Variants in CNTNAP5 observed in about 807,000 individuals in gnomAD.
CNTNAP5 encodes the protein contactin-associated protein-like 5.
In CNTNAP5, 72 loss-of-function variants were observed where a neutral mutation model predicts 150.2. The ratio of observed to expected loss-of-function variants is 0.48; its 90% CI spans 0.40 to 0.58. The LOEUF is 0.58. CNTNAP5 is among the 20% of genes least tolerant of loss of function. CNTNAP5 has a pLI of 0.00. For missense variants in CNTNAP5, 1,636 were observed against 1,626.2 expected (o/e 1.01, Z -0.10); for synonymous variants, 672 against 619.8 (o/e 1.08, Z -1.25).
At chr2:124,271,177 T>A (rs903470037) in intron 3 of CNTNAP5, among the ~76,000 whole-genome samples, 1 of 152,026 alleles carries the variant, frequency 6.6e-6, no homozygotes, top group African/African-American at 2.4e-5. Context: ...GAAAATGGTT[T>A]GAATAAGTCA....
chr2:124,463,339 GA>G lies in CNTNAP5; in HGVS notation c.919-11394del, dbSNP rs375534891. Among the ~76,000 whole-genome samples the G allele has an allele frequency of 1.4e-4, 21 of 152,276 alleles. No individual in the cohort carries two copies. The East Asian group carries it at 3.9e-3, about 28-fold the overall frequency. ...CAGCAGCTGACGTCTGTCAGTCTGT[GA>G]AAAAATACCTATTTAGAGAAAGGAA... On this transcript the variant is annotated intron_variant, in intron 6 of 23. Transcript: ENST00000682447.
intron 1 of CNTNAP5, among the ~76,000 whole-genome samples, chr2:124,064,266 T>C (rs1682096114): frequency 6.6e-6 from 1 of 152,166 alleles, no homozygotes. Context: ...TGTTACATGC[T>C]TTAAAGGCTT....
intron 8 of CNTNAP5, among the ~76,000 whole-genome samples, chr2:124,510,301 C>CTATATAGATATATCTATATATCTA (rs1694537389): frequency 1.9e-5 from 2 of 106,056 alleles, no homozygotes; most frequent in African/African-American, 3.8e-5. Flanking sequence ...ATCTATATAT[C>CTATATAGATATATCTATATATCTA]TATATATATA....
chr2:124,383,157 T>G (rs972421658), intron 3 of CNTNAP5, among the ~76,000 whole-genome samples: 10 of 152,142 alleles, frequency 6.6e-5, no homozygotes, highest in South Asian at 2.1e-4. Flanking sequence ...TGCAAGAAGT[T>G]TAACACATTT....
chr2:124,395,959 T>C (rs1439198462), intron 3 of CNTNAP5, among the ~76,000 whole-genome samples: 2 of 152,124 alleles, frequency 1.3e-5, no homozygotes, highest in African/African-American at 2.4e-5. Flanking sequence ...CCAGAGTCCA[T>C]CATCAACACC....
chr2:124,142,502 A>G (rs1197230008), intron 1 of CNTNAP5, among the ~76,000 whole-genome samples: 4 of 146,838 alleles, frequency 2.7e-5, no homozygotes, highest in Non-Finnish European at 3.0e-5. Context: ...AAGCCGCTCA[A>G]CTACATGGAA....
chr2:124,420,661 A>C (rs1172674275), intron 4 of CNTNAP5, among the ~76,000 whole-genome samples: 1 of 152,204 alleles, frequency 6.6e-6, no homozygotes, highest in Non-Finnish European at 1.5e-5. Flanking sequence ...TAATTCAGTC[A>C]GTTGAAATGC....
intron 11 of CNTNAP5, among the ~76,000 whole-genome samples, chr2:124,585,112 G>A (rs1024780402): frequency 1.1e-4 from 16 of 152,184 alleles, no homozygotes; most frequent in African/African-American, 3.9e-4. Context: ...CAGTGGCTTA[G>A]CAAAGGAAAA....
At chr2:124,787,401 A>C (rs182201331) in intron 17 of CNTNAP5, among the ~76,000 whole-genome samples, 1 of 152,238 alleles carries the variant, frequency 6.6e-6, no homozygotes, top group African/African-American at 2.4e-5. Context: ...TGAGACAGAC[A>C]GGAGAATGTA....
At chr2:124,509,261 T>C (rs929284877) in intron 8 of CNTNAP5, among the ~76,000 whole-genome samples, 4 of 152,230 alleles carry the variant, frequency 2.6e-5, no homozygotes, top group Admixed American at 2.6e-4. Flanking sequence ...AAATGCATCC[T>C]CAAAATAGAA....
chr2:124,166,572 T>A (rs1684813956), intron 1 of CNTNAP5, among the ~76,000 whole-genome samples: 1 of 152,168 alleles, frequency 6.6e-6, no homozygotes, highest in African/African-American at 2.4e-5. Flanking sequence ...CTTGTTCTCT[T>A]ATTGACTTCC....
At chr2:124,749,456 G>A (rs1158892279) in intron 14 of CNTNAP5, among the ~76,000 whole-genome samples, 1 of 149,176 alleles carries the variant, frequency 6.7e-6, no homozygotes, top group East Asian at 2.0e-4. Flanking sequence ...ACGGAGTCTT[G>A]CTCTGTCGCC....
At chr2:124,278,908 T>A (rs1478521197) in intron 3 of CNTNAP5, among the ~76,000 whole-genome samples, 1 of 152,166 alleles carries the variant, frequency 6.6e-6, no homozygotes, top group East Asian at 1.9e-4. Flanking sequence ...TTAGTATTGA[T>A]CTTGTTTATA....
intron 14 of CNTNAP5, among the ~76,000 whole-genome samples, chr2:124,756,882 A>G (rs1680850624): frequency 6.6e-6 from 1 of 152,150 alleles, no homozygotes; most frequent in Non-Finnish European, 1.5e-5. Context: ...ATGTTTACCT[A>G]TGTAATAAAC....
intron 13 of CNTNAP5, among the ~76,000 whole-genome samples, chr2:124,658,219 C>T (rs902097367): frequency 1.3e-5 from 2 of 152,158 alleles, no homozygotes; most frequent in African/African-American, 4.8e-5. Flanking sequence ...AGAGCAACTT[C>T]ACAGAGCAAG....
In CNTNAP5 at chr2:124,399,511, C is replaced by T. The variant is rs138971851; in HGVS notation, c.382-17932C>T. Among the ~76,000 whole-genome samples the T allele has an allele frequency of 1.6e-3, 246 of 151,898 alleles. 1 individual carries two copies. The highest frequency in any genetic ancestry group is 3.1e-3 in the Admixed American group (48 of 15,254). ...GTTGGGGCTTTTCTGCTGGTGTAGA[C>T]GTTCATCCCTGGAAGTGATCCTGGA... On this transcript the variant is annotated intron_variant, in intron 3 of 23. Coordinates refer to ENST00000682447, the MANE Select transcript of CNTNAP5 (RefSeq NM_001367498.1).
chr2:124,286,209 G>A lies in CNTNAP5; in HGVS notation c.381+43816G>A, dbSNP rs768466818. Among the ~76,000 whole-genome samples the A allele has an allele frequency of 3.9e-5, 6 of 152,126 alleles. No homozygotes were observed. In the South Asian group the frequency reaches 6.2e-4, roughly 16 times the overall value. On this transcript the variant is annotated intron_variant, in intron 3 of 23. Transcript: ENST00000682447. ...GATTGGTGGTTCTGGGACTCAATTCGAATCTGCCTGGCTCTGGCTCACAAA... is the reference window on the plus strand; with the variant it reads ...GATTGGTGGTTCTGGGACTCAATTCAAATCTGCCTGGCTCTGGCTCACAAA...
chr2:124,491,658 A>C (rs1694030487), intron 7 of CNTNAP5, among the ~76,000 whole-genome samples: 2 of 151,698 alleles, frequency 1.3e-5, no homozygotes, highest in African/African-American at 2.4e-5. Flanking sequence ...TTTCTAGGGA[A>C]CCTCCATGTT....
chr2:124,095,099 G>A (rs1558753416), intron 1 of CNTNAP5, among the ~76,000 whole-genome samples: 1 of 152,138 alleles, frequency 6.6e-6, no homozygotes, highest in Non-Finnish European at 1.5e-5. Context: ...CAACCCAAAT[G>A]TCCATCAATG....
Sources: gnomAD v4.1 joint callset for allele counts (sites outside exome capture counted in the v4.1 genomes callset) on GRCh38, gnomAD v4.1.1 for gene constraint, MANE v1.5 for transcripts, NCBI Gene and HGNC (gene_info 2026-07-23, HGNC 2026-07-21) for gene names.